EDNRB: variants seen among roughly 807,000 people sequenced by gnomAD.
EDNRB encodes the protein endothelin receptor type B, also known as Hirschsprung disease 2.
Under a neutral mutation model 46.4 loss-of-function variants are expected in EDNRB, and 18 were observed. The observed-to-expected ratio is 0.39, with a 90% confidence interval of 0.27 to 0.57. The LOEUF (loss-of-function observed/expected upper bound fraction) is 0.57, where lower values mean the gene tolerates loss of function less well. Among genes scored for constraint, EDNRB ranks in the 20% least tolerant of loss-of-function variants. EDNRB has a pLI of 0.61. For synonymous variants in EDNRB, 213 were observed against 204.9 expected, an observed-to-expected ratio of 1.04 and a Z score of -0.34; for missense variants, 434 against 537.5, an observed-to-expected ratio of 0.81 and a Z score of 1.90.
At chr13:77,912,366 T>G (rs1879614955) in intron 1 of EDNRB, among the ~76,000 whole-genome samples, 1 of 152,058 alleles carries the variant, frequency 6.6e-6, no homozygotes, top group Non-Finnish European at 1.5e-5. Flanking sequence ...TACTGACCAT[T>G]TTGTCACAGA....
At chr13:77,924,402 C>A (rs1880173119), upstream of EDNRB, among the ~76,000 whole-genome samples, 1 of 152,098 alleles carries the variant, frequency 6.6e-6, no homozygotes, top group Non-Finnish European at 1.5e-5. Flanking sequence ...ATGAGGGCAG[C>A]AGATAATGCA....
chr13:77,898,794 C>CT (rs2137600842), intron 6 of EDNRB, among the ~76,000 whole-genome samples: 1 of 151,982 alleles, frequency 6.6e-6, no homozygotes, highest in African/African-American at 2.4e-5. Flanking sequence ...TCACAAACAC[C>CT]TCATCCCAAG....
chr13:77,970,344 A>G (rs905606381), intron 1 of EDNRB, among the ~76,000 whole-genome samples: 1 of 152,112 alleles, frequency 6.6e-6, no homozygotes, highest in Admixed American at 6.6e-5. Flanking sequence ...GCCACAGACA[A>G]AACTCCTCAG....
chr13:77,961,101 T>G (rs999907476), intron 1 of EDNRB, among the ~76,000 whole-genome samples: 1 of 151,974 alleles, frequency 6.6e-6, no homozygotes, highest in Non-Finnish European at 1.5e-5. Context: ...ATGGGAGACT[T>G]TAACACCCCA....
At chr13:77,923,442 G>T (rs936950571), upstream of EDNRB, among the ~76,000 whole-genome samples, 4 of 152,098 alleles carry the variant, frequency 2.6e-5, no homozygotes, top group Non-Finnish European at 5.9e-5. Context: ...GACCTGTGCC[G>T]TCTTGGTTTG....
upstream of EDNRB, among the ~76,000 whole-genome samples, chr13:77,920,195 C>A (rs568059130): frequency 1.3e-5 from 2 of 152,112 alleles, no homozygotes; most frequent in Non-Finnish European, 2.9e-5. Context: ...TGATGCTTAT[C>A]GGAGACATGA....
chr13:77,918,874 G>A, upstream of EDNRB: 1 of 1,260,612 alleles, frequency 7.9e-7, no homozygotes, highest in Non-Finnish European at 1.0e-6. The surrounding 1 kb of genome is among the most constrained non-coding windows in gnomAD (Gnocchi z 4.5). Context: ...CAGTGGGGCG[G>A]GGCGTTCTGG....
intron 1 of EDNRB, among the ~76,000 whole-genome samples, chr13:77,913,329 C>A (rs188066228): frequency 1.3e-5 from 2 of 152,094 alleles, no homozygotes; most frequent in Non-Finnish European, 2.9e-5. Flanking sequence ...ATGAATGCAG[C>A]CTCTTTGCCT....
chr13:77,924,578 T>A (rs1417359025), upstream of EDNRB, among the ~76,000 whole-genome samples: 2 of 152,246 alleles, frequency 1.3e-5, no homozygotes, highest in Non-Finnish European at 2.9e-5. Context: ...TTAACCATTT[T>A]TTAAGTGTAC....
At chr13:77,902,295 G>A (rs1402723678) in intron 3 of EDNRB, among the ~76,000 whole-genome samples, 1 of 151,926 alleles carries the variant, frequency 6.6e-6, no homozygotes, top group Non-Finnish European at 1.5e-5. Flanking sequence ...TTATGGGGCT[G>A]TAGGATACAG....
intron 1 of EDNRB, among the ~76,000 whole-genome samples, chr13:77,929,093 G>T (rs936838667): frequency 2.0e-5 from 3 of 152,132 alleles, no homozygotes; most frequent in African/African-American, 2.4e-5. Flanking sequence ...TCCTGTACTT[G>T]TCACTCTGCT....
rs1397675444 is a variant in EDNRB, at chr13:77,918,580, A to G, written c.-7T>C. On this transcript the variant is annotated 5_prime_UTR_variant, in exon 1 of 7. Coordinates refer to ENST00000646607, the MANE Select transcript of EDNRB (RefSeq NM_001122659.3). The surrounding 1 kb of genome is among the most constrained non-coding windows in gnomAD (Gnocchi z 4.5). ...GACTTGGAGGCGGCTGCATGCTGCT[A>G]CCTGCTCCAGAAGGCGTCCGGTGGC... 9 of 1,590,448 alleles carry G rather than the reference A, an allele frequency of 5.7e-6. No individual in the cohort carries two copies. Among genetic ancestry groups the G allele is most frequent in the Non-Finnish European group, 7.7e-6 (9 of 1,173,422 alleles).
chr13:77,946,216 A>G (rs1041206897), intron 1 of EDNRB, among the ~76,000 whole-genome samples: 1 of 152,162 alleles, frequency 6.6e-6, no homozygotes. Flanking sequence ...AAAGCCAAAA[A>G]TCTCCTAGGA....
intron 1 of EDNRB, among the ~76,000 whole-genome samples, chr13:77,927,921 A>G (rs765459180): frequency 1.3e-5 from 2 of 152,148 alleles, no homozygotes; most frequent in Non-Finnish European, 2.9e-5. Context: ...ATGATAATGA[A>G]TAAGTCTCAT....
rs114389856 is a variant in EDNRB, at chr13:77,940,503, A to G, written c.-51-21879T>C. 3.6e-3 allele frequency among the ~76,000 whole-genome samples: 554 copies of G among 152,302 alleles called. 2 individuals carry two copies. The highest frequency in any genetic ancestry group is 0.012 in the African/African-American group (483 of 41,576). Reference sequence around the variant, plus strand: ...GAAATTTAATCTCAGAATGCCTGGAATGGCAACTAGAAGATGGAGTTTTAG... The same window carrying G: ...GAAATTTAATCTCAGAATGCCTGGAGTGGCAACTAGAAGATGGAGTTTTAG... On this transcript the variant is annotated intron_variant, in intron 1 of 7. Transcript: ENST00000646948.
At chr13:77,954,478 G>GCATT (rs1881176553) in intron 1 of EDNRB, among the ~76,000 whole-genome samples, 2 of 140,458 alleles carry the variant, frequency 1.4e-5, no homozygotes, top group African/African-American at 5.3e-5. Context: ...TTTTAAGAAA[G>GCATT]TATTTATTTA....
chr13:77,949,364 G>A (rs759002846), intron 1 of EDNRB, among the ~76,000 whole-genome samples: 4 of 152,112 alleles, frequency 2.6e-5, no homozygotes, highest in African/African-American at 7.2e-5. Flanking sequence ...GTTCTTCTAC[G>A]GCAGTCTGAG....
In EDNRB at chr13:77,951,834, T is replaced by G. The variant is rs1319614089; in HGVS notation, c.-52+23513A>C. Among the ~76,000 whole-genome samples, 8 of 152,136 alleles carry G rather than the reference T, an allele frequency of 5.3e-5. No individual in the cohort carries two copies. The East Asian group carries it at 9.6e-4, about 18-fold the overall frequency. On this transcript the variant is annotated intron_variant, in intron 1 of 7. Coordinates refer to the EDNRB transcript ENST00000646948. The stretch of plus-strand genomic sequence containing the variant: ...AGGAGAGACTGTAACTCCCCTAAAT[T>G]GGGCCTCTAACCCAATCCCATTCTT...
At chr13:77,960,843 A>T (rs1247845933) in intron 1 of EDNRB, among the ~76,000 whole-genome samples, 1 of 142,020 alleles carries the variant, frequency 7.0e-6, no homozygotes, top group Non-Finnish European at 1.5e-5. Flanking sequence ...GATGGAGGAA[A>T]ATCTACCAAG....
Sources: gnomAD v4.1 joint callset for allele counts (sites outside exome capture counted in the v4.1 genomes callset) on GRCh38, gnomAD v4.1.1 for gene constraint, Gnocchi (gnomAD v3.1) non-coding constraint, MANE v1.5 for transcripts, NCBI Gene and HGNC (gene_info 2026-07-23, HGNC 2026-07-21) for gene names.